RAB8B: variants seen among roughly 807,000 people sequenced by gnomAD.
The protein encoded by RAB8B is RAB8B, member RAS oncogene family.
Under a neutral mutation model 32.0 loss-of-function variants are expected in RAB8B, and 11 were observed. The observed-to-expected ratio is 0.34, with a 90% CI of 0.22 to 0.57. The LOEUF (loss-of-function observed/expected upper bound fraction) is 0.57. Among genes scored for constraint, RAB8B ranks in the 20% least tolerant of loss-of-function variants. The pLI, the probability that RAB8B is intolerant of heterozygous loss-of-function variation, is 0.86. For synonymous variants in RAB8B, 103 were observed against 89.6 expected, an observed-to-expected ratio of 1.15 and a Z score of -0.85; for missense variants, 190 against 258.5, an observed-to-expected ratio of 0.73 and a Z score of 1.82.
At chr15:63,247,797 G>T (rs2038083264) in intron 2 of RAB8B, among the ~76,000 whole-genome samples, 4 of 152,180 alleles carry the variant, frequency 2.6e-5, no homozygotes, top group Admixed American at 2.6e-4. Flanking sequence ...GAAGGAAACA[G>T]GGACTGAGAG....
chr15:63,197,370 CTTTTTT>C (rs58765418), intron 1 of RAB8B, among the ~76,000 whole-genome samples: 4 of 61,408 alleles, frequency 6.5e-5, no homozygotes, highest in Non-Finnish European at 1.2e-4. Flanking sequence ...TCTTTCTTTT[CTTTTTT>C]TTTTTTTTTT....
At chr15:63,195,251 T>C (rs987087691) in intron 1 of RAB8B, among the ~76,000 whole-genome samples, 3 of 152,198 alleles carry the variant, frequency 2.0e-5, no homozygotes, top group African/African-American at 7.2e-5. Context: ...ACGACTCTGG[T>C]TCAGAAAAAG....
At chr15:63,258,658 A>G (rs2038177571) in intron 5 of RAB8B, among the ~76,000 whole-genome samples, 2 of 152,212 alleles carry the variant, frequency 1.3e-5, no homozygotes, top group South Asian at 4.1e-4. Flanking sequence ...CAGCTTGAGC[A>G]CTGGTTACAG....
At chr15:63,243,246 C>T (rs2038046727) in intron 1 of RAB8B, among the ~76,000 whole-genome samples, 1 of 152,210 alleles carries the variant, frequency 6.6e-6, no homozygotes, top group African/African-American at 2.4e-5. Context: ...TCTCACTTGC[C>T]TGCCACTGAA....
At chr15:63,238,460 A>C (rs759616628) in intron 1 of RAB8B, among the ~76,000 whole-genome samples, 1 of 151,832 alleles carries the variant, frequency 6.6e-6, no homozygotes, top group South Asian at 2.1e-4. Flanking sequence ...TTTCTTTCTT[A>C]TTTTCTAGTT....
chr15:63,204,616 A>G (rs1347581356), intron 1 of RAB8B, among the ~76,000 whole-genome samples: 2 of 152,226 alleles, frequency 1.3e-5, no homozygotes, highest in South Asian at 2.1e-4. Context: ...AATACATTAA[A>G]TCTTAAAACA....
At chr15:63,247,271 C>T (rs2038079539) in intron 2 of RAB8B, among the ~76,000 whole-genome samples, 1 of 152,172 alleles carries the variant, frequency 6.6e-6, no homozygotes, top group Non-Finnish European at 1.5e-5. Context: ...ATCTAAATAC[C>T]ATCACATTGA....
In RAB8B at chr15:63,248,525, C is replaced by G. The variant is rs188866137; in HGVS notation, c.186-1120C>G. Reference sequence around the variant, plus strand: ...AGACTCCATCTCAAAAACAAACAAACAAATAAATAAATACATAAAGAATAT... The same window carrying G: ...AGACTCCATCTCAAAAACAAACAAAGAAATAAATAAATACATAAAGAATAT... On this transcript the variant is annotated intron_variant, in intron 2 of 7. Coordinates refer to ENST00000321437, the MANE Select transcript of RAB8B (RefSeq NM_016530.3). The surrounding 1 kb of genome is among the most constrained non-coding windows in gnomAD (Gnocchi z 4.4). Among the ~76,000 whole-genome samples the G allele has an allele frequency of 1.3e-5, 2 of 152,056 alleles. No individual in the cohort carries two copies. The highest frequency in any genetic ancestry group is 3.9e-4 in the East Asian group (2 of 5,180).
intron 1 of RAB8B, among the ~76,000 whole-genome samples, chr15:63,224,858 G>C (rs1359753492): frequency 6.6e-6 from 1 of 152,180 alleles, no homozygotes; most frequent in African/African-American, 2.4e-5. Context: ...TGATTCTCCT[G>C]TTAGTGTCAC....
chr15:63,235,414 G>T (rs1312873902), intron 1 of RAB8B, among the ~76,000 whole-genome samples: 1 of 151,970 alleles, frequency 6.6e-6, no homozygotes. Context: ...ATGTTTTCCA[G>T]GTTACTAATA....
At position 63,189,615 on chromosome 15, in the gene RAB8B, G is replaced by C; in HGVS notation, c.-10G>C. The C allele has an allele frequency of 6.2e-7, 1 of 1,613,406 alleles. No homozygotes were observed. The highest frequency in any genetic ancestry group is 1.1e-5 in the South Asian group (1 of 91,020). ...CTCTGGCTCCCCGGTCAGAGGGCCG[G>C]AGCGAGAAGATGGCGAAGACGTACG... On this transcript the variant is annotated 5_prime_UTR_variant, in exon 1 of 8. Transcript: ENST00000321437.
chr15:63,196,068 A>G (rs2037597481), intron 1 of RAB8B, among the ~76,000 whole-genome samples: 2 of 152,188 alleles, frequency 1.3e-5, no homozygotes, highest in Admixed American at 6.5e-5. Flanking sequence ...TTTTATTTGC[A>G]GCTTTACCAT....
intron 2 of RAB8B, among the ~76,000 whole-genome samples, chr15:63,249,053 T>C (rs1167359971): frequency 3.3e-5 from 5 of 152,186 alleles, no homozygotes. Context: ...TTTGACATGT[T>C]GTTTATGTTT....
chr15:63,202,235 G>T (rs942210197), intron 1 of RAB8B, among the ~76,000 whole-genome samples: 6 of 150,914 alleles, frequency 4.0e-5, no homozygotes, highest in African/African-American at 1.5e-4. Flanking sequence ...CCGAGATCGC[G>T]CCACTGCACT....
At chr15:63,221,555 A>C (rs751947057) in intron 1 of RAB8B, among the ~76,000 whole-genome samples, 1 of 152,104 alleles carries the variant, frequency 6.6e-6, no homozygotes, top group African/African-American at 2.4e-5. Context: ...CCAGCATATG[A>C]CACTCCCAGT....
chr15:63,199,718 G>A (rs2141108558), intron 1 of RAB8B, among the ~76,000 whole-genome samples: 1 of 151,612 alleles, frequency 6.6e-6, no homozygotes, highest in Non-Finnish European at 1.5e-5. Context: ...TCTGGAATTA[G>A]TGGCCTCCTG....
chr15:63,240,841 G>A (rs1288844788), intron 1 of RAB8B, among the ~76,000 whole-genome samples: 1 of 148,338 alleles, frequency 6.7e-6, no homozygotes, highest in East Asian at 2.0e-4. Context: ...GTCAGTAGAA[G>A]GTTTTTGAAG....
chr15:63,254,360 A>G (rs1260618166), intron 3 of RAB8B, among the ~76,000 whole-genome samples: 1 of 152,084 alleles, frequency 6.6e-6, no homozygotes, highest in East Asian at 1.9e-4. Context: ...CAAAATTATA[A>G]TTAGTTGTAT....
chr15:63,227,846 G>T (rs1018184314), intron 1 of RAB8B, among the ~76,000 whole-genome samples: 5 of 152,146 alleles, frequency 3.3e-5, no homozygotes, highest in African/African-American at 1.2e-4. Flanking sequence ...CAGCTGAGCA[G>T]CTTTTAAAAT....
Sources: gnomAD v4.1 joint callset for allele counts (sites outside exome capture counted in the v4.1 genomes callset) on GRCh38, gnomAD v4.1.1 for gene constraint, Gnocchi (gnomAD v3.1) non-coding constraint, MANE v1.5 for transcripts, NCBI Gene and HGNC (gene_info 2026-07-23, HGNC 2026-07-21) for gene names.